The following CYTH3 variants were observed in gnomAD, a reference collection of about 807,000 sequenced individuals.
CYTH3 encodes the protein cytohesin 3, also known as cytohesin-3.
In CYTH3, 23 loss-of-function variants were observed where a neutral mutation model predicts 55.1. That is an observed-to-expected ratio of 0.42 (90% confidence interval 0.30 to 0.59). The LOEUF is 0.59. Among genes scored for constraint, CYTH3 ranks in the 20% least tolerant of loss-of-function variants. The pLI, the probability that CYTH3 is intolerant of heterozygous loss-of-function variation, is 0.20. For missense variants in CYTH3, 413 were observed against 524.8 expected (o/e 0.79, Z 2.08); for synonymous variants, 249 against 194.9 (o/e 1.28, Z -2.31).
intron 1 of CYTH3, among the ~76,000 whole-genome samples, chr7:6,253,216 A>ATTT (rs35516602): frequency 2.9e-5 from 4 of 139,446 alleles, no homozygotes; most frequent in East Asian, 2.1e-4. Flanking sequence ...CACGAAAACA[A>ATTT]TTTTTTTTTT....
chr7:6,171,467 A>C lies in CYTH3; in HGVS notation c.450-153T>G, dbSNP rs533594764. Among the ~76,000 whole-genome samples the C allele has an allele frequency of 6.6e-6, 1 of 152,242 alleles. No homozygotes were observed. The highest frequency in any genetic ancestry group is 2.4e-5 in the African/African-American group (1 of 41,536). On this transcript the variant is annotated intron_variant, in intron 6 of 12. Transcript: ENST00000350796. The surrounding 1 kb of genome is among the most constrained non-coding windows in gnomAD (Gnocchi z 6.7). ...TTGGGGGCGCAGAGACAGAAAGGAGAAGACCCAGGACAGTCTCCTTCCGTT... is the reference window on the plus strand; with the variant it reads ...TTGGGGGCGCAGAGACAGAAAGGAGCAGACCCAGGACAGTCTCCTTCCGTT...
At chr7:6,198,175 T>G (rs1188305259) in intron 1 of CYTH3, among the ~76,000 whole-genome samples, 2 of 151,880 alleles carry the variant, frequency 1.3e-5, no homozygotes, top group Non-Finnish European at 2.9e-5. Context: ...CTCAGGATAT[T>G]TGGGGAAAGC....
chr7:6,255,687 A>G (rs1780081000), intron 1 of CYTH3, among the ~76,000 whole-genome samples: 2 of 151,718 alleles, frequency 1.3e-5, no homozygotes, highest in African/African-American at 4.8e-5. Flanking sequence ...TATGAAATTA[A>G]GGACTTACAG....
intron 1 of CYTH3, among the ~76,000 whole-genome samples, chr7:6,210,551 T>C (rs142055897): frequency 0.013 from 2,020 of 152,362 alleles, 26 homozygotes; most frequent in Middle Eastern, 0.061. Context: ...GAACTTAAGT[T>C]GGGAAGATAA....
intron 4 of CYTH3, among the ~76,000 whole-genome samples, chr7:6,186,810 C>T (rs1043582236): frequency 6.6e-6 from 1 of 152,202 alleles, no homozygotes; most frequent in South Asian, 2.1e-4. Flanking sequence ...GAGGCTGCTT[C>T]CTCACCCAGC....
chr7:6,249,355 C>T (rs181080074), intron 1 of CYTH3, among the ~76,000 whole-genome samples: 1 of 152,190 alleles, frequency 6.6e-6, no homozygotes, highest in African/African-American at 2.4e-5. Context: ...TCTCCCCAGG[C>T]AAGGAATCCA....
At chr7:6,209,339 C>T (rs958727995) in intron 1 of CYTH3, among the ~76,000 whole-genome samples, 10 of 152,280 alleles carry the variant, frequency 6.6e-5, no homozygotes, top group African/African-American at 1.9e-4. Context: ...AGATCTTGAA[C>T]GATGAATATG....
intron 1 of CYTH3, among the ~76,000 whole-genome samples, chr7:6,229,398 G>A (rs907233447): frequency 5.3e-5 from 8 of 152,216 alleles, no homozygotes; most frequent in East Asian, 1.9e-4. Flanking sequence ...TGCTTGCTGC[G>A]GCAGACTCCA....
Position 6,167,485 on chromosome 7 carries a change from A to C in CYTH3, c.824-1675T>G, listed in dbSNP as rs1158484087. ...CGGTCGCCTCTGCTTCCCTCCAGAG[A>C]CTCCAGAGCAGGCCCCGCTCCAGCT... On this transcript the variant is annotated intron_variant, in intron 9 of 12. Coordinates refer to ENST00000350796, the MANE Select transcript of CYTH3 (RefSeq NM_004227.4). The surrounding 1 kb of genome is among the most constrained non-coding windows in gnomAD (Gnocchi z 5.5). 6.6e-6 allele frequency among the ~76,000 whole-genome samples: 1 copy of C among 152,020 alleles called. No individual in the cohort carries two copies. Among genetic ancestry groups the C allele is most frequent in the Non-Finnish European group, 1.5e-5 (1 of 67,954 alleles).
At chr7:6,211,374 T>C (rs1046464017) in intron 1 of CYTH3, among the ~76,000 whole-genome samples, 3 of 152,278 alleles carry the variant, frequency 2.0e-5, no homozygotes, top group African/African-American at 7.2e-5. Context: ...ATGCACGTTT[T>C]GTGGAGCCAC....
chr7:6,187,907 G>C lies in CYTH3; in HGVS notation c.118-186C>G, dbSNP rs1466077077. On this transcript the variant is annotated intron_variant, in intron 2 of 12. Transcript: ENST00000350796. ...TAGTCAAAGCCACCACAACTTAGGA[G>C]AACACAAAATTCTTTGCTCACTTTT... Among the ~76,000 whole-genome samples, 5 of 152,246 alleles carry C rather than the reference G, an allele frequency of 3.3e-5. No individual in the cohort carries two copies. In the South Asian group the frequency reaches 6.2e-4, roughly 19 times the overall value.
intron 1 of CYTH3, among the ~76,000 whole-genome samples, chr7:6,192,986 CAT>C (rs1783838582): frequency 6.6e-6 from 1 of 151,526 alleles, no homozygotes; most frequent in South Asian, 2.1e-4. Flanking sequence ...GTCTGGCCAA[CAT>C]AGTGAAACCC....
intron 1 of CYTH3, among the ~76,000 whole-genome samples, chr7:6,211,621 G>A (rs941438485): frequency 3.3e-5 from 5 of 152,216 alleles, no homozygotes; most frequent in East Asian, 1.9e-4. Context: ...AGTAAGCCAC[G>A]GTGCCTGGCC....
At chr7:6,245,087 G>C (rs1779775750) in intron 1 of CYTH3, among the ~76,000 whole-genome samples, 1 of 146,790 alleles carries the variant, frequency 6.8e-6, no homozygotes, top group Non-Finnish European at 1.5e-5. Context: ...CCAAAGTGCT[G>C]GGATTACAGG....
rs557892520 is a variant in CYTH3, at chr7:6,272,436, C to A, written c.34+38G>T. The A allele has an allele frequency of 1.9e-4, 251 of 1,336,108 alleles. 1 individual carries two copies. The African/African-American group carries it at 2.9e-3, about 15-fold the overall frequency. The allele number at this position is 1,336,108 out of a possible 1,614,324, so 82.8% of individuals were successfully genotyped here. A position where few individuals can be genotyped will look rare whatever the true frequency, so the allele number is the denominator to read the frequency against. On this transcript the variant is annotated intron_variant, in intron 1 of 12. Coordinates refer to ENST00000350796, the MANE Select transcript of CYTH3 (RefSeq NM_004227.4). ...ACCCCCAGCCCCCGGCCCCCGACCC[C>A]AGGCCGCCGGCGAGCCCACCACACC...
chr7:6,259,888 T>G, intron 1 of CYTH3, among the ~76,000 whole-genome samples: 1 of 130,462 alleles, frequency 7.7e-6, no homozygotes, highest in Admixed American at 8.1e-5. Flanking sequence ...TGGAGAGCAA[T>G]GGCGTGATCT....
chr7:6,259,833 T>TATATA (rs57061102), intron 1 of CYTH3, among the ~76,000 whole-genome samples: 6 of 15,612 alleles, frequency 3.8e-4, no homozygotes, highest in African/African-American at 2.6e-3. Context: ...TATATATATA[T>TATATA]TTTTTTTTTT....
chr7:6,203,963 C>T (rs1261881389), intron 1 of CYTH3, among the ~76,000 whole-genome samples: 2 of 151,814 alleles, frequency 1.3e-5, no homozygotes, highest in Non-Finnish European at 2.9e-5. Flanking sequence ...GTGATCCACC[C>T]GCCTCAGCCT....
At position 6,196,865 on chromosome 7, in the gene CYTH3, G is replaced by C. The variant is rs370729081; in HGVS notation, c.35-6334C>G. 2.3e-4 allele frequency among the ~76,000 whole-genome samples: 35 copies of C among 152,300 alleles called. No homozygotes were observed. The South Asian group carries it at 7.0e-3, about 31-fold the overall frequency. On this transcript the variant is annotated intron_variant, in intron 1 of 12. Coordinates refer to ENST00000350796, the MANE Select transcript of CYTH3 (RefSeq NM_004227.4). ...GTACCTGAAGATTCAAATCAAGTCT[G>C]TCAACAACATTTACGAAAAGAATTT...
Sources: gnomAD v4.1 joint callset for allele counts (sites outside exome capture counted in the v4.1 genomes callset) on GRCh38, gnomAD v4.1.1 for gene constraint, Gnocchi (gnomAD v3.1) non-coding constraint, MANE v1.5 for transcripts, NCBI Gene and HGNC (gene_info 2026-07-23, HGNC 2026-07-21) for gene names.